SGCZ: variants seen among roughly 807,000 people sequenced by gnomAD.
The protein encoded by SGCZ is zeta-sarcoglycan.
In SGCZ, 40 loss-of-function variants were observed where a neutral mutation model predicts 41.3. The ratio of observed to expected loss-of-function variants is 0.97; its 90% CI spans 0.75 to 1.26. The LOEUF is 1.26. SGCZ is among the 50% of genes most tolerant of loss of function. The pLI is 0.00. For synonymous variants in SGCZ, 206 were observed against 137.5 expected (o/e 1.50, Z -3.49); for missense variants, 552 against 369.8 (o/e 1.49, Z -4.04).
intron 1 of SGCZ, among the ~76,000 whole-genome samples, chr8:14,989,876 G>A (rs966344453): frequency 6.0e-5 from 9 of 150,908 alleles, no homozygotes; most frequent in Non-Finnish European, 1.2e-4. Flanking sequence ...TGAAGTGAAG[G>A]GAGGAGGAGA....
At position 14,090,130 on chromosome 8, in the gene SGCZ, T is replaced by C. The variant is rs531723224; in HGVS notation, c.*313A>G. 2.1e-4 allele frequency: 44 copies of C among 208,936 alleles called. No individual in the cohort carries two copies. In the South Asian group the frequency reaches 4.4e-3, roughly 21 times the overall value. 12.9% of individuals were successfully genotyped at this position (208,936 alleles called of 1,614,324 possible). A position where few individuals can be genotyped will look rare whatever the true frequency, so the allele number is the denominator to read the frequency against. ...ATATGTGCAGTTCATATCCAGGTCC[T>C]GCAAAAATCTAAAACTGTGTGCTTC... On this transcript the variant is annotated 3_prime_UTR_variant, in exon 8 of 8. Coordinates refer to ENST00000382080, the MANE Select transcript of SGCZ (RefSeq NM_139167.4).
At chr8:14,717,996 G>GATATATATATATATATATAT (rs140343071) in intron 1 of SGCZ, among the ~76,000 whole-genome samples, 4,543 of 144,522 alleles carry the variant, frequency 0.031, 113 homozygotes, top group African/African-American at 0.054. Flanking sequence ...TCTAAAATAA[G>GATATATATATATATATATAT]ATATATATAT....
At chr8:14,761,232 C>G (rs181802719) in intron 1 of SGCZ, among the ~76,000 whole-genome samples, 34 of 152,170 alleles carry the variant, frequency 2.2e-4, no homozygotes, top group Non-Finnish European at 4.0e-4. Context: ...ATAAATTCCT[C>G]TAACAAAGCA....
Position 14,809,990 on chromosome 8 carries a change from A to G in SGCZ, c.40-255064T>C, listed in dbSNP as rs142867263. ...CTTATTTTAAGAAACTCAAGCTGGC[A>G]TATACATTAAACACTTGACATATAA... On this transcript the variant is annotated intron_variant, in intron 1 of 7. Coordinates refer to ENST00000382080, the MANE Select transcript of SGCZ (RefSeq NM_139167.4). Among the ~76,000 whole-genome samples, 105 of 152,248 alleles carry G rather than the reference A, an allele frequency of 6.9e-4. 2 individuals are homozygous for G. The East Asian group carries it at 0.018, about 26-fold the overall frequency.
At chr8:15,079,322 T>G (rs1346428314) in intron 1 of SGCZ, among the ~76,000 whole-genome samples, 3 of 152,208 alleles carry the variant, frequency 2.0e-5, no homozygotes, top group Non-Finnish European at 4.4e-5. Flanking sequence ...GCCTATCTGT[T>G]GTCTTTATAT....
At chr8:14,191,641 C>T (rs551797046) in intron 4 of SGCZ, among the ~76,000 whole-genome samples, 61 of 152,242 alleles carry the variant, frequency 4.0e-4, no homozygotes, top group African/African-American at 1.4e-3. Flanking sequence ...TAACCCTGAG[C>T]TGGCCAGTTG....
intron 2 of SGCZ, among the ~76,000 whole-genome samples, chr8:14,344,007 A>G (rs773820745): frequency 2.0e-5 from 3 of 152,170 alleles, no homozygotes; most frequent in Non-Finnish European, 4.4e-5. Context: ...AAATTTCATG[A>G]AGGAACTGCA....
chr8:14,335,350 G>A (rs1802472508), intron 2 of SGCZ, among the ~76,000 whole-genome samples: 1 of 152,040 alleles, frequency 6.6e-6, no homozygotes, highest in African/African-American at 2.4e-5. Flanking sequence ...GAAGGGTGCT[G>A]TAGATTTCTA....
intron 1 of SGCZ, among the ~76,000 whole-genome samples, chr8:14,967,258 C>A (rs1801152496): frequency 6.6e-6 from 1 of 152,146 alleles, no homozygotes; most frequent in Admixed American, 6.6e-5. Context: ...CCTGGAAAGT[C>A]TAATAAACAT....
At chr8:14,903,726 T>C (rs1709459395) in intron 1 of SGCZ, among the ~76,000 whole-genome samples, 1 of 152,032 alleles carries the variant, frequency 6.6e-6, no homozygotes, top group African/African-American at 2.4e-5. Flanking sequence ...AAGAGCAGTG[T>C]ATAGGGACAG....
intron 3 of SGCZ, among the ~76,000 whole-genome samples, chr8:14,308,342 T>C (rs1261775005): frequency 6.6e-6 from 1 of 151,946 alleles, no homozygotes; most frequent in East Asian, 1.9e-4. Context: ...GCTTTTACAG[T>C]GAGGAAGAAA....
At chr8:14,230,521 G>C (rs1204972886) in intron 4 of SGCZ, among the ~76,000 whole-genome samples, 1 of 151,986 alleles carries the variant, frequency 6.6e-6, no homozygotes. Context: ...GACAGATCTG[G>C]GATTTAGCAG....
chr8:15,054,694 C>A (rs1804640532), intron 1 of SGCZ, among the ~76,000 whole-genome samples: 1 of 152,080 alleles, frequency 6.6e-6, no homozygotes, highest in Non-Finnish European at 1.5e-5. Flanking sequence ...GTGGCTCACA[C>A]CTGCAATCCC....
intron 1 of SGCZ, among the ~76,000 whole-genome samples, chr8:14,913,325 T>C (rs987610346): frequency 3.3e-5 from 5 of 152,020 alleles, no homozygotes; most frequent in African/African-American, 7.2e-5. Context: ...TATCTAAATA[T>C]CCAGAACAAC....
intron 3 of SGCZ, among the ~76,000 whole-genome samples, chr8:14,305,436 A>G (rs1418504241): frequency 2.0e-5 from 3 of 152,168 alleles, no homozygotes; most frequent in African/African-American, 4.8e-5. Flanking sequence ...CATGAGGTCT[A>G]TATCTTCAAA....
intron 1 of SGCZ, among the ~76,000 whole-genome samples, chr8:14,864,381 T>C (rs541478688): frequency 1.3e-5 from 2 of 152,282 alleles, no homozygotes; most frequent in South Asian, 4.1e-4. Flanking sequence ...TTCTTTTCCA[T>C]AACCTAGACT....
At chr8:14,694,379 C>A (rs1427185588) in intron 1 of SGCZ, among the ~76,000 whole-genome samples, 1 of 152,156 alleles carries the variant, frequency 6.6e-6, no homozygotes, top group Non-Finnish European at 1.5e-5. Flanking sequence ...TATTCAGATT[C>A]TTGTTGCCAT....
At chr8:15,198,703 T>C (rs1382744002) in intron 1 of SGCZ, among the ~76,000 whole-genome samples, 1 of 152,234 alleles carries the variant, frequency 6.6e-6, no homozygotes, top group Non-Finnish European at 1.5e-5. Flanking sequence ...TTATTTACTG[T>C]GAGGCTACAC....
intron 1 of SGCZ, among the ~76,000 whole-genome samples, chr8:14,784,076 G>A (rs1476505494): frequency 6.7e-6 from 1 of 150,314 alleles, no homozygotes; most frequent in East Asian, 2.0e-4. Context: ...TTTGAGATAG[G>A]GTCGCTCTCT....
Sources: gnomAD v4.1 joint callset for allele counts (sites outside exome capture counted in the v4.1 genomes callset) on GRCh38, gnomAD v4.1.1 for gene constraint, MANE v1.5 for transcripts, NCBI Gene and HGNC (gene_info 2026-07-23, HGNC 2026-07-21) for gene names.